Variants in GALNT13 observed in about 807,000 individuals in gnomAD.
GALNT13 encodes the protein polypeptide N-acetylgalactosaminyltransferase 13, also known as UDP-GalNAc:polypeptide N-acetylgalactosaminyltransferase 13.
Under a neutral mutation model 64.2 loss-of-function variants are expected in GALNT13, and 28 were observed. That is an observed-to-expected ratio of 0.44 (90% CI 0.32 to 0.60). The LOEUF is 0.60. Ranked by LOEUF, GALNT13 falls within the 20% of genes least tolerant of loss-of-function variation. The pLI, the probability that GALNT13 is intolerant of heterozygous loss-of-function variation, is 0.05. For synonymous variants in GALNT13, 214 were observed against 224.6 expected (o/e 0.95, Z 0.42); for missense variants, 577 against 669.8 (o/e 0.86, Z 1.53).
At chr2:153,698,698 G>C in the GALNT13 span, among the ~76,000 whole-genome samples, 25 of 152,098 alleles carry the variant, frequency 1.6e-4, no homozygotes, top group Non-Finnish European at 3.5e-4. Flanking sequence ...AAATTAACAA[G>C]GGTATTCAAG....
the GALNT13 span, among the ~76,000 whole-genome samples, chr2:153,495,541 A>G: frequency 6.6e-6 from 1 of 152,356 alleles, no homozygotes; most frequent in African/African-American, 2.4e-5. Flanking sequence ...TCATGAATTC[A>G]AAAAAGTACT....
At chr2:154,021,181 C>T (rs1451563128) in intron 3 of GALNT13, among the ~76,000 whole-genome samples, 9 of 152,102 alleles carry the variant, frequency 5.9e-5, no homozygotes, top group East Asian at 1.9e-4. Flanking sequence ...CTTGGCGATG[C>T]GGGCTCTTTT....
At chr2:153,886,852 T>C (rs1320757636) in intron 1 of GALNT13, among the ~76,000 whole-genome samples, 2 of 152,018 alleles carry the variant, frequency 1.3e-5, no homozygotes, top group Admixed American at 1.3e-4. Flanking sequence ...TAACTTCCTC[T>C]TCATTCTAAG....
chr2:153,464,627 A>T, the GALNT13 span, among the ~76,000 whole-genome samples: 1 of 152,078 alleles, frequency 6.6e-6, no homozygotes, highest in Admixed American at 6.6e-5. Context: ...TAAGCAAGAT[A>T]TCAAGATGAC....
chr2:153,882,910 A>G (rs924825930), intron 1 of GALNT13, among the ~76,000 whole-genome samples: 6 of 151,596 alleles, frequency 4.0e-5, no homozygotes, highest in Admixed American at 1.3e-4. Context: ...GATATAATGT[A>G]GGAACAAAAA....
intron 8 of GALNT13, among the ~76,000 whole-genome samples, chr2:154,266,486 A>T (rs1287811305): frequency 6.6e-6 from 1 of 152,120 alleles, no homozygotes; most frequent in Non-Finnish European, 1.5e-5. Context: ...CAAACAGCAG[A>T]AAACTGATAT....
chr2:154,205,990 T>TTTATTA (rs367653649), intron 4 of GALNT13, among the ~76,000 whole-genome samples: 80 of 151,362 alleles, frequency 5.3e-4, no homozygotes, highest in African/African-American at 1.7e-3. Context: ...TGATTTTCCT[T>TTTATTA]TTATTATTAT....
chr2:154,445,756 G>A, intron 12 of GALNT13: 1 of 1,233,956 alleles, frequency 8.1e-7, no homozygotes, highest in Non-Finnish European at 1.1e-6. Flanking sequence ...ATTTTAACAG[G>A]ATTTATTGTC....
intron 1 of GALNT13, among the ~76,000 whole-genome samples, chr2:153,886,221 T>A (rs564478022): frequency 6.4e-4 from 97 of 151,898 alleles, no homozygotes; most frequent in African/African-American, 2.1e-3. Context: ...CTTTTTTTTT[T>A]AAATTATACT....
the GALNT13 span, among the ~76,000 whole-genome samples, chr2:153,650,213 A>T: frequency 4.6e-5 from 7 of 152,268 alleles, no homozygotes; most frequent in Middle Eastern, 0.01. Context: ...CTTTCCCATT[A>T]TGTAATGGCC....
chr2:154,281,893 T>C (rs1278551334), intron 8 of GALNT13, among the ~76,000 whole-genome samples: 1 of 152,026 alleles, frequency 6.6e-6, no homozygotes, highest in Non-Finnish European at 1.5e-5. Flanking sequence ...TAAAGTATGA[T>C]TGAGAGGCAT....
chr2:153,524,946 C>G, the GALNT13 span, among the ~76,000 whole-genome samples: 1 of 152,162 alleles, frequency 6.6e-6, no homozygotes, highest in Non-Finnish European at 1.5e-5. Flanking sequence ...ATCACCCTCT[C>G]CCCTAATCGC....
chr2:153,215,402 G>A, the GALNT13 span, among the ~76,000 whole-genome samples: 1 of 152,028 alleles, frequency 6.6e-6, no homozygotes, highest in Non-Finnish European at 1.5e-5. Context: ...CCATTTTATA[G>A]ATAAAACTGG....
At chr2:153,304,346 A>C in the GALNT13 span, among the ~76,000 whole-genome samples, 4 of 152,020 alleles carry the variant, frequency 2.6e-5, no homozygotes, top group South Asian at 2.1e-4. Flanking sequence ...AGATGAACTT[A>C]ATTGGATTGA....
At chr2:153,248,815 C>CAA in the GALNT13 span, among the ~76,000 whole-genome samples, 18,303 of 126,856 alleles carry the variant, frequency 0.14, 2,183 homozygotes, top group Non-Finnish European at 0.2. Flanking sequence ...GACTCTGTCT[C>CAA]GAAAAAAAAA....
chr2:154,252,364 T>A (rs1267722673), intron 7 of GALNT13, among the ~76,000 whole-genome samples: 5 of 150,424 alleles, frequency 3.3e-5, no homozygotes, highest in African/African-American at 7.3e-5. Flanking sequence ...ATTATTATTT[T>A]TTTTTTTTTG....
At chr2:153,251,483 A>C in the GALNT13 span, among the ~76,000 whole-genome samples, 1 of 152,024 alleles carries the variant, frequency 6.6e-6, no homozygotes, top group Non-Finnish European at 1.5e-5. Flanking sequence ...ATTTATTATT[A>C]TTATACTTTA....
At chr2:154,042,695 C>CATATAT (rs70981696) in intron 3 of GALNT13, among the ~76,000 whole-genome samples, 2,486 of 107,848 alleles carry the variant, frequency 0.023, 159 homozygotes, top group African/African-American at 0.036. Context: ...TATCATTATG[C>CATATAT]ATATATATAT....
At chr2:154,243,156 G>A (rs1689588945) in intron 6 of GALNT13, among the ~76,000 whole-genome samples, 1 of 152,144 alleles carries the variant, frequency 6.6e-6, no homozygotes, top group African/African-American at 2.4e-5. Flanking sequence ...TTAGGTGAAG[G>A]AAATAAATAT....
Sources: gnomAD v4.1 joint callset for allele counts (sites outside exome capture counted in the v4.1 genomes callset) on GRCh38, gnomAD v4.1.1 for gene constraint, MANE v1.5 for transcripts, NCBI Gene and HGNC (gene_info 2026-07-23, HGNC 2026-07-21) for gene names.